DHX37: variants seen among roughly 807,000 people sequenced by gnomAD.
DHX37 encodes the protein probable ATP-dependent RNA helicase DHX37.
DHX37 carries 52 observed loss-of-function variants against 134.3 expected under a neutral mutation model. The observed-to-expected ratio is 0.39, with a 90% CI of 0.31 to 0.49. The LOEUF (loss-of-function observed/expected upper bound fraction) is 0.49, where lower values mean the gene tolerates loss of function less well. DHX37 is among the 20% of genes least tolerant of loss of function. DHX37 has a pLI of 0.93. For missense variants in DHX37, 1,344 were observed against 1,580.8 expected (o/e 0.85, Z 2.54); for synonymous variants, 634 against 670.7 (o/e 0.95, Z 0.85).
intron 15 of DHX37, among the ~76,000 whole-genome samples, chr12:124,962,243 A>G (rs1046624907): frequency 6.6e-6 from 1 of 152,206 alleles, no homozygotes; most frequent in Non-Finnish European, 1.5e-5. Context: ...AATATTAAAA[A>G]TAAGTGTTGG....
intron 1 of DHX37, among the ~76,000 whole-genome samples, chr12:124,987,722 A>G (rs140451074): frequency 6.0e-4 from 92 of 152,324 alleles, no homozygotes; most frequent in African/African-American, 2.1e-3. Context: ...CCTTTCCAGA[A>G]ATGCTAGGAA....
chr12:124,954,364 A>G, intron 18 of DHX37, 153 bp from the exon 19 acceptor site: 5 of 772,010 alleles, frequency 6.5e-6, no homozygotes, highest in Non-Finnish European at 7.9e-6. Context: ...CTCAAAATTC[A>G]CCATTGGCAG....
chr12:124,981,260 C>G lies in DHX37; in HGVS notation c.390-422G>C, dbSNP rs1235413873. ...CAGAGAGCCTGGGACAGTCTCTGCA[C>G]TCGATAAACAGTCACTAACTGACAG... On this transcript the variant is annotated intron_variant, in intron 3 of 26. Transcript: ENST00000308736. Among the ~76,000 whole-genome samples the G allele has an allele frequency of 2.2e-5, 3 of 135,832 alleles. No homozygotes were observed. In the East Asian group the frequency reaches 6.4e-4, roughly 29 times the overall value. 89.1% of individuals were successfully genotyped at this position (135,832 alleles called of 152,430 possible). A position where few individuals can be genotyped will look rare whatever the true frequency, so the allele number is the denominator to read the frequency against.
intron 8 of DHX37, among the ~76,000 whole-genome samples, chr12:124,969,877 C>T (rs996885758): frequency 3.3e-5 from 5 of 151,782 alleles, no homozygotes; most frequent in East Asian, 1.9e-4. Flanking sequence ...GCTGTGATTG[C>T]ACCGCTGCAC....
intron 16 of DHX37, 22 bp downstream of exon 16, chr12:124,960,290 G>C (rs779745313): frequency 1.9e-6 from 3 of 1,601,878 alleles, no homozygotes; most frequent in Admixed American, 1.7e-5. Context: ...GGCTGAGAGC[G>C]GGGCTGGGGG....
At chr12:124,976,936 G>C (rs192255452) in intron 5 of DHX37, among the ~76,000 whole-genome samples, 2 of 142,616 alleles carry the variant, frequency 1.4e-5, no homozygotes, top group Non-Finnish European at 3.2e-5. Flanking sequence ...AATCCCAGCT[G>C]TTGAGGAGGC....
intron 6 of DHX37, among the ~76,000 whole-genome samples, chr12:124,973,638 C>CTTTTTTTTTTTTTTTT (rs71092252): frequency 1.9e-5 from 2 of 102,874 alleles, no homozygotes; most frequent in African/African-American, 3.8e-5. Context: ...CCCCCCAACG[C>CTTTTTTTTTTTTTTTT]TTTTTTTTTT....
intron 18 of DHX37, among the ~76,000 whole-genome samples, chr12:124,954,480 G>A (rs931171230): frequency 3.4e-5 from 5 of 148,976 alleles, no homozygotes; most frequent in Admixed American, 2.0e-4. Flanking sequence ...TGCAAGTTCC[G>A]CCTTCCGGGT....
Position 124,977,440 on chromosome 12 carries a change from C to A in DHX37, c.789G>T (p.Glu263Asp). The change falls in exon 5 of 27, where the codon GAG becomes GAT. Residue 263 changes from glutamate (E) to aspartate (D), a missense_variant. Glu to Asp is a conservative substitution (Grantham distance 45, BLOSUM62 2). Coordinates refer to ENST00000308736, the MANE Select transcript of DHX37 (RefSeq NM_032656.4). ...TGACGATGGGGTGCTCGGCCACAGC[C>A]TCCATGATTACTTGTTCTTCGGAGA... ...PILSEEQVIMEAVAEHPIVIV... is the reference protein window; with the variant it reads ...PILSEEQVIMDAVAEHPIVIV... 3 of 1,612,194 alleles carry A rather than the reference C, an allele frequency of 1.9e-6. No homozygotes were observed. The highest frequency in any genetic ancestry group is 2.5e-6 in the Non-Finnish European group (3 of 1,179,372).
intron 25 of DHX37, 79 bp from the exon 26 acceptor site, chr12:124,948,260 G>C: frequency 6.5e-7 from 1 of 1,529,870 alleles, no homozygotes; most frequent in Non-Finnish European, 8.8e-7. Context: ...AAGCAGGGCA[G>C]GCATCACCAC....
In DHX37 at chr12:124,980,359, C is replaced by G. The variant is rs745918054; in HGVS notation, c.738+131G>C. On this transcript the variant is annotated intron_variant, in intron 4 of 26. Transcript: ENST00000308736. This position sits in a 1 kb window ranked among gnomAD's most constrained non-coding sequence, Gnocchi z 5.3. Reference sequence around the variant, plus strand: ...CACAGCCTCAAGGGAGGCGCAGTCACTCTCCCCTTTCCCAGATGGGGACAT... The same window carrying G: ...CACAGCCTCAAGGGAGGCGCAGTCAGTCTCCCCTTTCCCAGATGGGGACAT... 9.4e-7 allele frequency: 1 copy of G among 1,066,272 alleles called. No individual in the cohort carries two copies. 66.1% of individuals were successfully genotyped at this position (1,066,272 alleles called of 1,614,324 possible).
Position 124,950,476 on chromosome 12 carries a change from C to T in DHX37, c.3058G>A (p.Glu1020Lys), listed in dbSNP as rs566455917. ...SYCQFDKPLE[E>K]PAPTYCPERG... ...TCGGGGCAGTATGTAGGGGCTGGTT[C>T]CTCCAGGGGCTTGTCAAACTGGCAG... Residue 1020 changes from glutamate to lysine, a missense_variant, in exon 23 of 27, where the codon GAA (glutamate) becomes AAA (lysine). Around this residue, in one of 7 missense-constraint regions of DHX37, gnomAD observed 558 missense variants for 650.0 expected, o/e 0.86. Coordinates refer to ENST00000308736, the MANE Select transcript of DHX37 (RefSeq NM_032656.4). 2 of 1,578,756 alleles carry T rather than the reference C, an allele frequency of 1.3e-6. No homozygotes were observed. Among genetic ancestry groups the T allele is most frequent in the East Asian group, 4.5e-5 (2 of 44,498 alleles).
intron 2 of DHX37, among the ~76,000 whole-genome samples, chr12:124,985,814 A>G (rs1021318026): frequency 6.6e-6 from 1 of 151,224 alleles, no homozygotes; most frequent in African/African-American, 2.4e-5. Context: ...AGAAAAAAAA[A>G]TTAAATTTAA....
At chr12:124,950,358 G>A (rs989752146) in intron 23 of DHX37, 55 bp downstream of exon 23, 260 of 1,594,042 alleles carry the variant, frequency 1.6e-4, no homozygotes, top group Non-Finnish European at 2.1e-4. Context: ...CCGTGTGTCC[G>A]AGAAGCCCAC....
rs79708293 is a variant in DHX37 at position 124,947,122 on chromosome 12, C to T, written c.*680G>A. 0.028 allele frequency: 4,232 copies of T among 152,440 alleles called. 192 individuals carry two copies. The highest frequency in any genetic ancestry group is 0.095 in the African/African-American group (3,943 of 41,564). The allele number at this position is 152,440 out of a possible 1,614,324, so 9.4% of individuals were successfully genotyped here. On this transcript the variant is annotated 3_prime_UTR_variant, in exon 27 of 27. Transcript: ENST00000308736. ...AAGGCCAACATAATAGTCGTGTGGC[C>T]CCAGCCCAGCTAGGCGCATCCTCTG...
At position 124,957,108 on chromosome 12, in the gene DHX37, G is replaced by A; in HGVS notation, c.2185C>T (p.Pro729Ser). The stretch of plus-strand genomic sequence containing the variant: ...GCGGCAAGAAGGGCTTCCACGGAGG[G>A]GGGCGTCGGGAAGGGGAAGTTGATG... Reference protein sequence around the residue: ...KVINFPFPTPPSVEALLAAEE... With the variant: ...KVINFPFPTPSSVEALLAAEE... The change falls in exon 17 of 27, where the codon CCC becomes TCC. Residue 729 changes from proline (P) to serine (S), a missense_variant. Physicochemically the swap from Pro to Ser is moderately conservative, Grantham distance 74. Transcript: ENST00000308736. 6.7e-7 allele frequency: 1 copy of A among 1,497,180 alleles called. No individual in the cohort carries two copies. Among genetic ancestry groups the A allele is most frequent in the Non-Finnish European group, 8.9e-7 (1 of 1,126,490 alleles). 92.7% of individuals were successfully genotyped at this position (1,497,180 alleles called of 1,614,324 possible). A position where few individuals can be genotyped will look rare whatever the true frequency, so the allele number is the denominator to read the frequency against.
In DHX37 at chr12:124,975,449, C is replaced by G; in HGVS notation, c.950G>C (p.Arg317Pro). 1 of 1,613,038 alleles carries G rather than the reference C, an allele frequency of 6.2e-7. No homozygotes were observed. The highest frequency in any genetic ancestry group is 1.1e-5 in the South Asian group (1 of 91,088). The change falls in exon 6 of 27, where the codon CGA becomes CCA. Residue 317 changes from arginine to proline, a missense_variant. Arg to Pro is a moderately radical substitution (Grantham distance 103, BLOSUM62 -2). Transcript: ENST00000308736. ...RRVAAVAMSQ[R>P]VAKEMNLSQR... The stretch of plus-strand genomic sequence containing the variant: ...GGACAGATTCATCTCCTTGGCCACT[C>G]GCTGGGACATGGCCACGGCGGCCAC...
intron 4 of DHX37, among the ~76,000 whole-genome samples, chr12:124,979,960 T>A (rs1040565382): frequency 2.1e-4 from 32 of 152,222 alleles, no homozygotes; most frequent in Non-Finnish European, 2.9e-4. Flanking sequence ...CCTCTAGGGA[T>A]CCAGAGTTCC....
rs79732474 is a variant in DHX37, at chr12:124,980,266, C to T, written c.738+224G>A. Among the ~76,000 whole-genome samples, 1,090 of 152,342 alleles carry T rather than the reference C, an allele frequency of 7.2e-3. 16 individuals carry two copies. Among genetic ancestry groups the T allele is most frequent in the African/African-American group, 0.025 (1,041 of 41,582 alleles). On this transcript the variant is annotated intron_variant, in intron 4 of 26. Coordinates refer to ENST00000308736, the MANE Select transcript of DHX37 (RefSeq NM_032656.4). The surrounding 1 kb of genome is among the most constrained non-coding windows in gnomAD (Gnocchi z 5.3). Reference sequence around the variant, plus strand: ...CTACTGCCGCCGACCTCCAGGGCCCCGAGCCTGCCAGGCGTGCCGCCAGAC... The same window carrying T: ...CTACTGCCGCCGACCTCCAGGGCCCTGAGCCTGCCAGGCGTGCCGCCAGAC...
Sources: gnomAD v4.1 joint callset for allele counts (sites outside exome capture counted in the v4.1 genomes callset) on GRCh38, gnomAD v4.1.1 for gene constraint, gnomAD v4.1.1 regional missense constraint, Gnocchi (gnomAD v3.1) non-coding constraint, MANE v1.5 for transcripts, NCBI Gene and HGNC (gene_info 2026-07-23, HGNC 2026-07-21) for gene names.